CASZ1: variants seen among roughly 807,000 people sequenced by gnomAD.
CASZ1 encodes the protein castor zinc finger 1.
A neutral mutation model predicts 135.2 loss-of-function variants in CASZ1; 28 were observed. That is an observed-to-expected ratio of 0.21 (90% CI 0.15 to 0.28). The LOEUF (loss-of-function observed/expected upper bound fraction) is 0.28. Among genes scored for constraint, CASZ1 ranks in the 10% least tolerant of loss-of-function variants. The pLI is 1.00. For missense variants in CASZ1, 2,161 were observed against 2,453.3 expected (o/e 0.88, Z 2.52); for synonymous variants, 1,068 against 1,073.4 (o/e 0.99, Z 0.10).
At chr1:10,751,226 G>A (rs1268936830) in intron 2 of CASZ1, among the ~76,000 whole-genome samples, 1 of 152,174 alleles carries the variant, frequency 6.6e-6, no homozygotes, top group African/African-American at 2.4e-5. Context: ...ATCAAAACCA[G>A]TGAGGACAGG....
intron 4 of CASZ1, among the ~76,000 whole-genome samples, chr1:10,691,167 A>G (rs1357416551): frequency 6.6e-6 from 1 of 150,730 alleles, no homozygotes; most frequent in Non-Finnish European, 1.5e-5. Flanking sequence ...TCCGTACACA[A>G]CCATTTGATT....
chr1:10,795,946 G>C (rs1176351194), intron 1 of CASZ1, among the ~76,000 whole-genome samples: 3 of 152,010 alleles, frequency 2.0e-5, no homozygotes, highest in Non-Finnish European at 4.4e-5. Flanking sequence ...GGCTGGAGGG[G>C]TTCCCCACCC....
At chr1:10,742,179 C>T (rs979706865) in intron 2 of CASZ1, among the ~76,000 whole-genome samples, 2 of 152,170 alleles carry the variant, frequency 1.3e-5, no homozygotes, top group Non-Finnish European at 1.5e-5. Flanking sequence ...CATGCCACCC[C>T]GGTGTCCGCT....
Position 10,706,709 on chromosome 1 carries a change from C to T in CASZ1, c.-76-1165G>A, listed in dbSNP as rs1297329853. On this transcript the variant is annotated intron_variant, in intron 2 of 20. Transcript: ENST00000377022. This position sits in a 1 kb window ranked among gnomAD's most constrained non-coding sequence, Gnocchi z 4.3. ...CTTTCGCCGCTTGTGTTGGGCTGCC[C>T]GGGCAGAGGGTGCCCACTGGGGCGG... Among the ~76,000 whole-genome samples, 4 of 152,302 alleles carry T rather than the reference C, an allele frequency of 2.6e-5. No individual in the cohort carries two copies. The highest frequency in any genetic ancestry group is 2.1e-4 in the South Asian group (1 of 4,828).
intron 2 of CASZ1, among the ~76,000 whole-genome samples, chr1:10,715,019 T>C (rs550109816): frequency 3.0e-4 from 45 of 152,336 alleles, no homozygotes; most frequent in African/African-American, 1.0e-3. Flanking sequence ...CCAGGTTCCC[T>C]TCCTTCCATT....
chr1:10,734,706 T>C (rs575658129), intron 2 of CASZ1, among the ~76,000 whole-genome samples: 2 of 152,262 alleles, frequency 1.3e-5, no homozygotes, highest in South Asian at 2.1e-4. Context: ...GGAAGATCTA[T>C]ATAAACAAGT....
chr1:10,747,451 A>G lies in CASZ1; in HGVS notation c.-77+13250T>C, dbSNP rs1640065503. ...AGTGGCCAGGTCCCAGCGGCAGATG[A>G]AAGGCGTTCCACCCAGATGTCAGGG... is the stretch of plus-strand genomic sequence containing the variant. On this transcript the variant is annotated intron_variant, in intron 2 of 20. Transcript: ENST00000377022. The surrounding 1 kb of genome is among the most constrained non-coding windows in gnomAD (Gnocchi z 4.3). Among the ~76,000 whole-genome samples the G allele has an allele frequency of 1.3e-5, 2 of 152,214 alleles. No individual in the cohort carries two copies. Among genetic ancestry groups the G allele is most frequent in the African/African-American group, 4.8e-5 (2 of 41,448 alleles).
Position 10,697,796 on chromosome 1 carries a change from C to T in CASZ1, c.-23-3884G>A, listed in dbSNP as rs147695662. Among the ~76,000 whole-genome samples, 132 of 152,388 alleles carry T rather than the reference C, an allele frequency of 8.7e-4. 2 individuals carry two copies. Among genetic ancestry groups the T allele is most frequent in the Middle Eastern group, 6.8e-3 (2 of 294 alleles). ...CCCAATAAACTGGTTCCATCTGAGG[C>T]GACTGGGCCAGGGCACAGAAGCCTT... On this transcript the variant is annotated intron_variant, in intron 3 of 20. Transcript: ENST00000377022. The surrounding 1 kb of genome is among the most constrained non-coding windows in gnomAD (Gnocchi z 4.7).
intron 2 of CASZ1, among the ~76,000 whole-genome samples, chr1:10,752,083 C>T (rs1036328748): frequency 1.3e-5 from 2 of 152,236 alleles, no homozygotes; most frequent in African/African-American, 4.8e-5. Flanking sequence ...AGGGCACACC[C>T]TCCCCAAGGA....
At chr1:10,770,732 A>T (rs549642954) in intron 1 of CASZ1, among the ~76,000 whole-genome samples, 1 of 152,162 alleles carries the variant, frequency 6.6e-6, no homozygotes, top group Non-Finnish European at 1.5e-5. Context: ...CCACCCCATC[A>T]GTTCCTGACA....
chr1:10,714,262 C>T (rs1372721398), intron 2 of CASZ1, among the ~76,000 whole-genome samples: 3 of 152,010 alleles, frequency 2.0e-5, no homozygotes, highest in Admixed American at 1.3e-4. Context: ...GAGCCGAGAT[C>T]GTGCCACTGC....
In CASZ1 at chr1:10,762,480, C is replaced by G. The variant is rs756764564; in HGVS notation, c.-233-1623G>C. The stretch of plus-strand genomic sequence containing the variant: ...AACTTCAGGGCCACTGGGAGACTCA[C>G]TCCTCTGGGCTCTGAAACTCCCCTG... On this transcript the variant is annotated intron_variant, in intron 1 of 20. Transcript: ENST00000377022. This position sits in a 1 kb window ranked among gnomAD's most constrained non-coding sequence, Gnocchi z 4.1. 1.3e-5 allele frequency among the ~76,000 whole-genome samples: 2 copies of G among 152,140 alleles called. No homozygotes were observed. The highest frequency in any genetic ancestry group is 2.4e-5 in the African/African-American group (1 of 41,418).
rs1393582062 is a variant in CASZ1 at position 10,724,095 on chromosome 1, T to C, written c.-76-18551A>G. 6.6e-6 allele frequency among the ~76,000 whole-genome samples: 1 copy of C among 152,332 alleles called. No individual in the cohort carries two copies. The highest frequency in any genetic ancestry group is 2.1e-4 in the South Asian group (1 of 4,830). On this transcript the variant is annotated intron_variant, in intron 2 of 20. Coordinates refer to ENST00000377022, the MANE Select transcript of CASZ1 (RefSeq NM_001079843.3). This position sits in a 1 kb window ranked among gnomAD's most constrained non-coding sequence, Gnocchi z 4.1. The stretch of plus-strand genomic sequence containing the variant: ...GGAGCTCTTTGACCACAGCACACTT[T>C]GGGAGAAGGTGGAAGAGTCCTCCCC...
intron 2 of CASZ1, among the ~76,000 whole-genome samples, chr1:10,705,987 C>T (rs1289491332): frequency 2.0e-5 from 3 of 152,232 alleles, no homozygotes; most frequent in Non-Finnish European, 4.4e-5. Flanking sequence ...CTCTCTTCCC[C>T]GGGGCCCCTG....
intron 4 of CASZ1, among the ~76,000 whole-genome samples, chr1:10,678,858 T>G (rs1638325230): frequency 6.6e-6 from 1 of 152,126 alleles, no homozygotes; most frequent in Non-Finnish European, 1.5e-5. Flanking sequence ...TTAATTACTT[T>G]CAATCAAAAT....
At chr1:10,714,763 C>T (rs1317372885) in intron 2 of CASZ1, among the ~76,000 whole-genome samples, 1 of 152,226 alleles carries the variant, frequency 6.6e-6, no homozygotes, top group Non-Finnish European at 1.5e-5. Flanking sequence ...TCTGGCCTGA[C>T]CCTGTCACTT....
intron 2 of CASZ1, among the ~76,000 whole-genome samples, chr1:10,730,648 G>GA (rs1021031850): frequency 6.6e-6 from 1 of 152,084 alleles, no homozygotes; most frequent in Non-Finnish European, 1.5e-5. Flanking sequence ...ACTTCCAGGG[G>GA]AAAAAAACCT....
chr1:10,690,862 C>T (rs491334), intron 4 of CASZ1, among the ~76,000 whole-genome samples: 3 of 151,998 alleles, frequency 2.0e-5, no homozygotes, highest in African/African-American at 7.3e-5. Context: ...GAGCTCCACC[C>T]GTGCTTCACC....
At chr1:10,751,174 C>T (rs977939171) in intron 2 of CASZ1, among the ~76,000 whole-genome samples, 5 of 152,112 alleles carry the variant, frequency 3.3e-5, no homozygotes, top group Non-Finnish European at 7.4e-5. Flanking sequence ...TCTGAGCTTA[C>T]AACCTAGAAA....
Sources: gnomAD v4.1 joint callset for allele counts (sites outside exome capture counted in the v4.1 genomes callset) on GRCh38, gnomAD v4.1.1 for gene constraint, Gnocchi (gnomAD v3.1) non-coding constraint, MANE v1.5 for transcripts, NCBI Gene and HGNC (gene_info 2026-07-23, HGNC 2026-07-21) for gene names.